The following PDE4D variants were observed in gnomAD, a reference collection of about 807,000 sequenced individuals.
PDE4D encodes the protein phosphodiesterase 4D, also known as 3',5'-cyclic-AMP phosphodiesterase 4D.
Under a neutral mutation model 87.4 loss-of-function variants are expected in PDE4D, and 24 were observed. That is an observed-to-expected ratio of 0.27 (90% CI 0.20 to 0.39). The LOEUF (loss-of-function observed/expected upper bound fraction) is 0.39. Ranked by LOEUF, PDE4D falls within the 10% of genes least tolerant of loss-of-function variation. The pLI is 1.00. For missense variants in PDE4D, 714 were observed against 1,041.0 expected (o/e 0.69, Z 4.32); for synonymous variants, 384 against 383.2 (o/e 1.00, Z -0.02).
chr5:59,606,615 C>T (rs1348417503), intron 1 of PDE4D, among the ~76,000 whole-genome samples: 1 of 152,076 alleles, frequency 6.6e-6, no homozygotes, highest in Non-Finnish European at 1.5e-5. Context: ...CCTGTGGATT[C>T]GGAGAAGGCT....
chr5:60,190,071 T>TC (rs1298847485), intron 1 of PDE4D, among the ~76,000 whole-genome samples: 2 of 152,162 alleles, frequency 1.3e-5, no homozygotes, highest in Admixed American at 1.3e-4. Context: ...AGAAGCTTGA[T>TC]CACAATCAAA....
intron 2 of PDE4D, among the ~76,000 whole-genome samples, chr5:60,133,133 G>A (rs1699420233): frequency 1.3e-5 from 2 of 152,068 alleles, no homozygotes; most frequent in Non-Finnish European, 2.9e-5. Flanking sequence ...CCTGGAGTAA[G>A]TCACCTAACT....
intron 1 of PDE4D, among the ~76,000 whole-genome samples, chr5:59,729,877 T>C (rs1757134927): frequency 6.6e-6 from 1 of 152,132 alleles, no homozygotes; most frequent in South Asian, 2.1e-4. Flanking sequence ...TTATGCCTTC[T>C]GAAACCAAGT....
In PDE4D at chr5:60,224,800, GA is replaced by G. The variant is rs753655975; in HGVS notation, c.-89-39114del. On this transcript the variant is annotated intron_variant, in intron 1 of 16. Coordinates refer to the PDE4D transcript ENST00000502484. The stretch of plus-strand genomic sequence containing the variant: ...CCCACATTCAAGGGGAGAGGAATTA[GA>G]CTCTGTCCCTTCATGGGAGGTAGAA... 1.4e-4 allele frequency among the ~76,000 whole-genome samples: 22 copies of G among 152,172 alleles called. No homozygotes were observed. The South Asian group carries it at 3.9e-3, about 27-fold the overall frequency.
chr5:60,301,930 T>C (rs2149793634), intron 1 of PDE4D, among the ~76,000 whole-genome samples: 1 of 152,314 alleles, frequency 6.6e-6, no homozygotes, highest in Admixed American at 6.5e-5. Context: ...ATTGAGATAA[T>C]GATGTGGTTT....
intron 1 of PDE4D, among the ~76,000 whole-genome samples, chr5:60,485,654 G>A (rs1300409037): frequency 1.3e-5 from 2 of 152,080 alleles, no homozygotes; most frequent in Admixed American, 6.6e-5. Context: ...GACAAAAATG[G>A]TTTTAGAAAA....
Position 58,973,413 on chromosome 5 carries a change from T to C in PDE4D, c.*1251A>G, listed in dbSNP as rs17719258. 7,570 of 150,238 alleles carry C rather than the reference T, an allele frequency of 0.05. 266 individuals are homozygous for C. Among genetic ancestry groups the C allele is most frequent in the Non-Finnish European group, 0.075 (4,951 of 66,432 alleles). 9.3% of individuals were successfully genotyped at this position (150,238 alleles called of 1,614,324 possible). A position where few individuals can be genotyped will look rare whatever the true frequency, so the allele number is the denominator to read the frequency against. ...ACAAGGGGAAAAACCTTTTTCTTACTATAACTGGCTGTAAAAACAATAAAA... is the reference window on the plus strand; with the variant it reads ...ACAAGGGGAAAAACCTTTTTCTTACCATAACTGGCTGTAAAAACAATAAAA... On this transcript the variant is annotated 3_prime_UTR_variant, in exon 15 of 15. Coordinates refer to ENST00000340635, the MANE Select transcript of PDE4D (RefSeq NM_001104631.2).
intron 1 of PDE4D, among the ~76,000 whole-genome samples, chr5:59,237,826 C>T (rs1207354729): frequency 1.4e-5 from 2 of 143,196 alleles, no homozygotes; most frequent in Admixed American, 7.1e-5. Context: ...TGTGTGAACT[C>T]AGTGATATGA....
chr5:59,713,638 G>A (rs1754540859), intron 1 of PDE4D, among the ~76,000 whole-genome samples: 1 of 152,130 alleles, frequency 6.6e-6, no homozygotes, highest in African/African-American at 2.4e-5. Flanking sequence ...GCTGATTCTG[G>A]GTTGGCAATG....
chr5:59,125,923 G>C (rs1775322835), intron 5 of PDE4D, among the ~76,000 whole-genome samples: 1 of 152,110 alleles, frequency 6.6e-6, no homozygotes, highest in Non-Finnish European at 1.5e-5. Flanking sequence ...GGGGGCACAA[G>C]GAGCCTTGTG....
chr5:59,823,828 CCTT>C (rs1227459293), intron 1 of PDE4D, among the ~76,000 whole-genome samples: 2 of 148,758 alleles, frequency 1.3e-5, no homozygotes, highest in Non-Finnish European at 3.0e-5. Flanking sequence ...TTCTTTGGGA[CCTT>C]TGCTATTTTT....
At chr5:60,226,934 C>T (rs144225248) in intron 1 of PDE4D, among the ~76,000 whole-genome samples, 19 of 152,136 alleles carry the variant, frequency 1.2e-4, no homozygotes, top group African/African-American at 3.9e-4. Context: ...ATTCTAACCT[C>T]GCCATCCCAA....
At chr5:60,199,907 A>G (rs1051351521) in intron 1 of PDE4D, among the ~76,000 whole-genome samples, 3 of 151,650 alleles carry the variant, frequency 2.0e-5, no homozygotes, top group South Asian at 2.1e-4. Flanking sequence ...CCTAGTTGGC[A>G]AAAACAGATG....
chr5:59,004,860 T>C (rs890603027), intron 6 of PDE4D, among the ~76,000 whole-genome samples: 6 of 152,210 alleles, frequency 3.9e-5, no homozygotes, highest in African/African-American at 1.4e-4. Context: ...CACTGTCCCC[T>C]GAAATTTCCT....
intron 1 of PDE4D, among the ~76,000 whole-genome samples, chr5:60,511,921 T>C (rs1455476865): frequency 6.6e-6 from 1 of 152,208 alleles, no homozygotes; most frequent in South Asian, 2.1e-4. Context: ...ATCCAAAATA[T>C]TTTTTAGGTG....
At chr5:60,143,979 C>T (rs1780783286) in intron 2 of PDE4D, among the ~76,000 whole-genome samples, 1 of 152,144 alleles carries the variant, frequency 6.6e-6, no homozygotes, top group African/African-American at 2.4e-5. Flanking sequence ...ATTCTTTTCG[C>T]TTGATTCAGC....
At chr5:59,820,472 G>A (rs868583901) in intron 1 of PDE4D, among the ~76,000 whole-genome samples, 3 of 152,190 alleles carry the variant, frequency 2.0e-5, no homozygotes, top group Non-Finnish European at 2.9e-5. Flanking sequence ...TGGATGCTAA[G>A]TGTTGAAGGA....
intron 1 of PDE4D, 80 bp from the exon 2 acceptor site, chr5:59,216,048 A>G: frequency 1.1e-6 from 1 of 944,050 alleles, no homozygotes; most frequent in Non-Finnish European, 1.6e-6. Context: ...GCGTCAGCTG[A>G]GGAACTGACA....
intron 5 of PDE4D, among the ~76,000 whole-genome samples, chr5:59,043,586 AG>A (rs1237158256): frequency 1.3e-5 from 2 of 152,178 alleles, no homozygotes; most frequent in Non-Finnish European, 2.9e-5. Context: ...TTTAAGTTCT[AG>A]GGTACATGTG....
Sources: gnomAD v4.1 joint callset for allele counts (sites outside exome capture counted in the v4.1 genomes callset) on GRCh38, gnomAD v4.1.1 for gene constraint, MANE v1.5 for transcripts, NCBI Gene and HGNC (gene_info 2026-07-23, HGNC 2026-07-21) for gene names.